KIAA1217: variants seen among roughly 807,000 people sequenced by gnomAD.
KIAA1217 encodes the protein KIAA1217.
Under a neutral mutation model 163.9 loss-of-function variants are expected in KIAA1217, and 88 were observed. The ratio of observed to expected loss-of-function variants is 0.54; its 90% CI spans 0.45 to 0.64. KIAA1217 has a LOEUF of 0.64. KIAA1217 is among the 30% of genes least tolerant of loss of function. The probability of loss-of-function intolerance (pLI) is 0.00; values close to 1 mark genes in which losing one functional copy is unlikely to be tolerated. For synonymous variants in KIAA1217, 903 were observed against 923.1 expected (o/e 0.98, Z 0.39); for missense variants, 2,372 against 2,475.0 (o/e 0.96, Z 0.88).
intron 2 of KIAA1217, among the ~76,000 whole-genome samples, chr10:24,013,088 T>C (rs544008556): frequency 1.1e-4 from 16 of 152,266 alleles, no homozygotes; most frequent in African/African-American, 3.1e-4. Flanking sequence ...CAAGTGTCCC[T>C]TTCACGATCT....
chr10:24,008,230 T>C lies in KIAA1217; in HGVS notation c.-171+856T>C, dbSNP rs75119954. Among the ~76,000 whole-genome samples the C allele has an allele frequency of 2.2e-3, 341 of 152,158 alleles. 6 individuals are homozygous for C. The East Asian group carries it at 0.048, about 22-fold the overall frequency. ...GATTATTTATCTTGTCTCAATACCG[T>C]CTTCATTCAACTTGGTGTTTGGTTT... On this transcript the variant is annotated intron_variant, in intron 2 of 18. Transcript: ENST00000376462.
At chr10:23,951,000 G>A (rs1219742918) in intron 1 of KIAA1217, among the ~76,000 whole-genome samples, 2 of 152,188 alleles carry the variant, frequency 1.3e-5, no homozygotes, top group Non-Finnish European at 2.9e-5. Context: ...GGGTGTTCAT[G>A]ATGTGAGACA....
chr10:23,758,770 T>A (rs1387450389), intron 1 of KIAA1217, among the ~76,000 whole-genome samples: 1 of 148,292 alleles, frequency 6.7e-6, no homozygotes, highest in African/African-American at 2.5e-5. Flanking sequence ...CATTGCAACC[T>A]CTGCCTCCTG....
intron 2 of KIAA1217, among the ~76,000 whole-genome samples, chr10:24,065,713 C>G (rs553448882): frequency 6.6e-6 from 1 of 152,252 alleles, no homozygotes; most frequent in East Asian, 1.9e-4. Flanking sequence ...CTTTCTGTCT[C>G]ATTGATCTGT....
At chr10:23,867,230 T>A (rs1840236391) in intron 1 of KIAA1217, among the ~76,000 whole-genome samples, 1 of 152,160 alleles carries the variant, frequency 6.6e-6, no homozygotes, top group Non-Finnish European at 1.5e-5. Context: ...TGTGCCACAT[T>A]TTCTTAATCC....
chr10:24,213,864 G>A (rs759464737), intron 1 of KIAA1217, among the ~76,000 whole-genome samples: 1 of 152,078 alleles, frequency 6.6e-6, no homozygotes, highest in Non-Finnish European at 1.5e-5. Flanking sequence ...GTGCTGATTT[G>A]TATATATATT....
chr10:23,818,274 A>G (rs1263900812), intron 1 of KIAA1217, among the ~76,000 whole-genome samples: 1 of 143,530 alleles, frequency 7.0e-6, no homozygotes, highest in African/African-American at 2.5e-5. Context: ...AATATATAAT[A>G]TGTTATATAT....
At chr10:23,961,934 T>A (rs771623286) in intron 1 of KIAA1217, among the ~76,000 whole-genome samples, 1 of 152,170 alleles carries the variant, frequency 6.6e-6, no homozygotes, top group Non-Finnish European at 1.5e-5. Flanking sequence ...AATTTCCCCT[T>A]CTTATAAAGA....
intron 1 of KIAA1217, among the ~76,000 whole-genome samples, chr10:23,851,046 G>A (rs1172289951): frequency 6.6e-6 from 1 of 151,942 alleles, no homozygotes; most frequent in Admixed American, 6.6e-5. Flanking sequence ...AAGTTTTAGG[G>A]TACATGGGCA....
At chr10:24,224,878 G>C (rs183462587) in intron 2 of KIAA1217, among the ~76,000 whole-genome samples, 2 of 144,756 alleles carry the variant, frequency 1.4e-5, no homozygotes, top group East Asian at 2.0e-4. Flanking sequence ...CCAGGCTGGA[G>C]TGCAGTGGCG....
chr10:24,535,506 G>A (rs2073870246), intron 16 of KIAA1217, among the ~76,000 whole-genome samples: 1 of 152,162 alleles, frequency 6.6e-6, no homozygotes, highest in Admixed American at 6.5e-5. Context: ...CAGGCACAGT[G>A]GCTTATACCT....
intron 1 of KIAA1217, among the ~76,000 whole-genome samples, chr10:23,965,019 C>G (rs1359061811): frequency 1.3e-5 from 2 of 152,130 alleles, no homozygotes; most frequent in African/African-American, 4.8e-5. Flanking sequence ...TTACCCCGTC[C>G]CCCAGCTGCA....
intron 6 of KIAA1217, among the ~76,000 whole-genome samples, chr10:24,475,601 C>T (rs141419421): frequency 6.6e-6 from 1 of 152,292 alleles, no homozygotes; most frequent in East Asian, 1.9e-4. Context: ...CTTGATGATG[C>T]AGGACTAAGA....
At chr10:24,148,792 G>A (rs2064463528) in intron 2 of KIAA1217, among the ~76,000 whole-genome samples, 1 of 152,112 alleles carries the variant, frequency 6.6e-6, no homozygotes, top group African/African-American at 2.4e-5. Flanking sequence ...TTCCTTTATA[G>A]CAATGCAAAA....
rs560063357 is a variant in KIAA1217, at chr10:24,122,126, C to A, written c.-170-97500C>A. 5.9e-5 allele frequency among the ~76,000 whole-genome samples: 9 copies of A among 151,956 alleles called. 1 individual carries two copies. The highest frequency in any genetic ancestry group is 5.9e-4 in the Admixed American group (9 of 15,242). ...CATCACCCAGGTGTGAACATAGTAC[C>A]CAATAGGAAGTTTTCAGCCCTTCCC... On this transcript the variant is annotated intron_variant, in intron 2 of 18. Coordinates refer to the KIAA1217 transcript ENST00000376462.
At chr10:23,770,448 T>G (rs1245940591) in intron 1 of KIAA1217, among the ~76,000 whole-genome samples, 1 of 152,230 alleles carries the variant, frequency 6.6e-6, no homozygotes, top group Non-Finnish European at 1.5e-5. Flanking sequence ...TACCAGCTAC[T>G]CACTGATAGG....
At chr10:23,814,297 C>A (rs1040544148) in intron 1 of KIAA1217, among the ~76,000 whole-genome samples, 11 of 152,150 alleles carry the variant, frequency 7.2e-5, no homozygotes, top group African/African-American at 2.7e-4. Flanking sequence ...AGGGCAGGGA[C>A]TCCAGCTTAC....
intron 1 of KIAA1217, among the ~76,000 whole-genome samples, chr10:23,861,820 A>G (rs1053070880): frequency 1.3e-5 from 2 of 152,150 alleles, no homozygotes; most frequent in Non-Finnish European, 2.9e-5. Context: ...CTTCCCCCAG[A>G]GCCTCCAGGC....
chr10:24,318,601 C>T (rs192164978), intron 2 of KIAA1217, among the ~76,000 whole-genome samples: 3 of 152,252 alleles, frequency 2.0e-5, no homozygotes, highest in African/African-American at 7.2e-5. Context: ...ACGCACACCT[C>T]CCCCTCTCTT....
Sources: gnomAD v4.1 joint callset for allele counts (sites outside exome capture counted in the v4.1 genomes callset) on GRCh38, gnomAD v4.1.1 for gene constraint, MANE v1.5 for transcripts, NCBI Gene and HGNC (gene_info 2026-07-23, HGNC 2026-07-21) for gene names.